Variants in GNA12 observed in about 807,000 individuals in gnomAD.
GNA12 encodes G protein subunit alpha 12.
GNA12 carries 9 observed loss-of-function variants against 26.0 expected under a neutral mutation model. The ratio of observed to expected loss-of-function variants is 0.35; its 90% confidence interval spans 0.21 to 0.60. The LOEUF is 0.60. Among genes scored for constraint, GNA12 ranks in the 20% least tolerant of loss-of-function variants. The pLI, the probability that GNA12 is intolerant of heterozygous loss-of-function variation, is 0.78. For synonymous variants in GNA12, 264 were observed against 219.6 expected (o/e 1.20, Z -1.79); for missense variants, 405 against 525.8 (o/e 0.77, Z 2.25).
rs530392255 is a variant in GNA12 at position 2,802,074 on chromosome 7, C to T, written c.310-6931G>A. ...GACCAATTTTCTAAAACACAAAAGC[C>T]AAGAAAATCCTAAAACTCACATACA... On this transcript the variant is annotated intron_variant, in intron 1 of 3. Transcript: ENST00000275364. 8.4e-4 allele frequency among the ~76,000 whole-genome samples: 127 copies of T among 152,080 alleles called. 1 individual carries two copies. The South Asian group carries it at 8.5e-3, about 10-fold the overall frequency.
chr7:2,842,025 G>A (rs61556488), intron 1 of GNA12, among the ~76,000 whole-genome samples: 9 of 39,736 alleles, frequency 2.3e-4, no homozygotes, highest in East Asian at 5.8e-4. Context: ...GAAAGGAAGG[G>A]AGGAAGGAAG....
At chr7:2,739,392 T>C (rs2115320306) in intron 2 of GNA12, among the ~76,000 whole-genome samples, 1 of 152,326 alleles carries the variant, frequency 6.6e-6, no homozygotes, top group South Asian at 2.1e-4. Flanking sequence ...TGCAGCCCTT[T>C]GTGTCTGGTT....
Position 2,844,294 on chromosome 7 carries a change from T to TAG in GNA12, c.-134_-133insCT. 3.4e-6 allele frequency: 1 copy of TAG among 297,664 alleles called. No homozygotes were observed. The highest frequency in any genetic ancestry group is 4.9e-6 in the Non-Finnish European group (1 of 202,664). 18.4% of individuals were successfully genotyped at this position (297,664 alleles called of 1,614,324 possible). On this transcript the variant is annotated 5_prime_UTR_variant, in exon 1 of 4. Coordinates refer to ENST00000275364, the MANE Select transcript of GNA12 (RefSeq NM_007353.3). ...CTCAGGCCGCGTCCGCCGCCGCCGCTGCAGTCGCTCCGAGGCCCGCACTCG... is the reference window on the plus strand; with the variant it reads ...CTCAGGCCGCGTCCGCCGCCGCCGCTAGGCAGTCGCTCCGAGGCCCGCACTCG...
intron 2 of GNA12, among the ~76,000 whole-genome samples, chr7:2,733,836 C>T (rs578231499): frequency 2.3e-4 from 35 of 152,306 alleles, no homozygotes; most frequent in African/African-American, 7.5e-4. Flanking sequence ...CCTGGCCATG[C>T]GGCCAGCAAA....
At chr7:2,793,247 A>G (rs908371647) in intron 2 of GNA12, among the ~76,000 whole-genome samples, 1 of 152,096 alleles carries the variant, frequency 6.6e-6, no homozygotes, top group Non-Finnish European at 1.5e-5. Flanking sequence ...ACTAAACACA[A>G]TGGGGGATTC....
intron 1 of GNA12, among the ~76,000 whole-genome samples, chr7:2,806,663 G>GT (rs1289681361): frequency 6.6e-6 from 1 of 152,054 alleles, no homozygotes; most frequent in Non-Finnish European, 1.5e-5. Context: ...AGAACATTTT[G>GT]TAACACTTTA....
intron 2 of GNA12, among the ~76,000 whole-genome samples, chr7:2,751,167 T>C (rs916597335): frequency 1.3e-5 from 2 of 152,070 alleles, no homozygotes; most frequent in Non-Finnish European, 2.9e-5. Context: ...GCAGGTGGAC[T>C]GGTTGAGGTC....
chr7:2,818,909 A>G (rs897763315), intron 1 of GNA12, among the ~76,000 whole-genome samples: 2 of 152,218 alleles, frequency 1.3e-5, no homozygotes, highest in African/African-American at 2.4e-5. Context: ...GAAGGCTGTA[A>G]GGCAGGCCAC....
At position 2,806,166 on chromosome 7, in the gene GNA12, G is replaced by A. The variant is rs551926638; in HGVS notation, c.310-11023C>T. Among the ~76,000 whole-genome samples the A allele has an allele frequency of 6.6e-4, 101 of 152,322 alleles. 3 individuals carry two copies. The South Asian group carries it at 8.1e-3, about 12-fold the overall frequency. ...CGATTTGCTATTGGACAGCATTGCT[G>A]TAGGATAACATATCTAAAAGAATTT... On this transcript the variant is annotated intron_variant, in intron 1 of 3. Transcript: ENST00000275364.
chr7:2,768,306 G>A (rs1043673565), intron 2 of GNA12, among the ~76,000 whole-genome samples: 2 of 152,216 alleles, frequency 1.3e-5, no homozygotes, highest in Non-Finnish European at 2.9e-5. Context: ...TAGTGACTAA[G>A]GAATTGCTAA....
At chr7:2,821,554 G>A (rs1349914541) in intron 1 of GNA12, among the ~76,000 whole-genome samples, 1 of 152,166 alleles carries the variant, frequency 6.6e-6, no homozygotes, top group East Asian at 1.9e-4. Flanking sequence ...AACTCCAAAC[G>A]AACTCACTGG....
At chr7:2,842,312 T>C (rs1048946400) in intron 1 of GNA12, among the ~76,000 whole-genome samples, 3 of 148,082 alleles carry the variant, frequency 2.0e-5, no homozygotes, top group Admixed American at 6.8e-5. Context: ...ATCAACTCTA[T>C]GGTTCTTTTA....
intron 1 of GNA12, among the ~76,000 whole-genome samples, chr7:2,798,969 AG>A (rs1051282289): frequency 4.8e-4 from 51 of 106,446 alleles, no homozygotes; most frequent in Middle Eastern, 9.5e-3. Flanking sequence ...GGAGCGGGGG[AG>A]GGGGTGGGGA....
At chr7:2,822,638 G>C (rs528655625) in intron 1 of GNA12, among the ~76,000 whole-genome samples, 1 of 152,246 alleles carries the variant, frequency 6.6e-6, no homozygotes, top group Non-Finnish European at 1.5e-5. Flanking sequence ...GGGCAACATA[G>C]TGAGTCCTTG....
At chr7:2,762,820 G>A (rs572429491) in intron 2 of GNA12, 9 of 1,523,446 alleles carry the variant, frequency 5.9e-6, no homozygotes, top group East Asian at 2.5e-5. Context: ...CCTCCCATCC[G>A]CCACACACCC....
intron 2 of GNA12, among the ~76,000 whole-genome samples, chr7:2,783,690 ATTTATTTATTTT>A (rs1360875837): frequency 2.0e-4 from 29 of 146,708 alleles, no homozygotes; most frequent in South Asian, 8.5e-4. Context: ...TTATTTATTT[ATTTATTTATTTT>A]GAGATGTAGT....
chr7:2,753,752 T>C (rs1442758210), intron 2 of GNA12, among the ~76,000 whole-genome samples: 1 of 152,174 alleles, frequency 6.6e-6, no homozygotes, highest in Non-Finnish European at 1.5e-5. Context: ...TTTTTTTCCT[T>C]TTAATTACAT....
At chr7:2,820,669 C>T (rs1177280149) in intron 1 of GNA12, among the ~76,000 whole-genome samples, 11 of 152,222 alleles carry the variant, frequency 7.2e-5, no homozygotes, top group Non-Finnish European at 1.6e-4. Context: ...CAGTCACCAG[C>T]TCCTGACTCA....
intron 1 of GNA12, among the ~76,000 whole-genome samples, chr7:2,826,146 A>AGGCG (rs1793479835): frequency 6.6e-6 from 1 of 152,078 alleles, no homozygotes; most frequent in African/African-American, 2.4e-5. Context: ...TGGGAGGCGC[A>AGGCG]GGCGGGCAGA....
Sources: gnomAD v4.1 joint callset for allele counts (sites outside exome capture counted in the v4.1 genomes callset) on GRCh38, gnomAD v4.1.1 for gene constraint, MANE v1.5 for transcripts, NCBI Gene and HGNC (gene_info 2026-07-23, HGNC 2026-07-21) for gene names.